The following APBB2 variants were observed in gnomAD, a reference collection of about 807,000 sequenced individuals.
The protein encoded by APBB2 is amyloid beta precursor protein binding family B member 2, also known as Fe65-like 1.
In APBB2, 38 loss-of-function variants were observed where a neutral mutation model predicts 82.5. That is an observed-to-expected ratio of 0.46 (90% CI 0.36 to 0.60). The LOEUF is 0.60. APBB2 is among the 20% of genes least tolerant of loss of function. The pLI, the probability that APBB2 is intolerant of heterozygous loss-of-function variation, is 0.00. For synonymous variants in APBB2, 341 were observed against 368.2 expected, an observed-to-expected ratio of 0.93 and a Z score of 0.85; for missense variants, 772 against 972.3, an observed-to-expected ratio of 0.79 and a Z score of 2.74.
chr4:41,041,338 T>C (rs759167191), intron 4 of APBB2, among the ~76,000 whole-genome samples: 4 of 152,252 alleles, frequency 2.6e-5, no homozygotes, highest in Non-Finnish European at 4.4e-5. Context: ...TGTATAGTCT[T>C]GTAATGCATG....
chr4:41,107,972 G>T (rs534696209), intron 2 of APBB2, among the ~76,000 whole-genome samples: 3 of 152,292 alleles, frequency 2.0e-5, no homozygotes, highest in South Asian at 2.1e-4. Context: ...ATCTGAACAT[G>T]TATTCAAGTA....
At chr4:41,193,725 CA>C in intron 1 of APBB2, 1 of 201,220 alleles carries the variant, frequency 5.0e-6, no homozygotes, top group Non-Finnish European at 8.8e-6. Context: ...TAGCCCTAGG[CA>C]GGGTAGAAGA....
At chr4:40,938,290 G>C (rs913836932) in intron 7 of APBB2, among the ~76,000 whole-genome samples, 8 of 152,128 alleles carry the variant, frequency 5.3e-5, no homozygotes, top group Admixed American at 1.3e-4. Flanking sequence ...CTCAGTTCTG[G>C]GAGAGCCTTG....
intron 4 of APBB2, among the ~76,000 whole-genome samples, chr4:41,041,445 C>T (rs1047740557): frequency 6.6e-6 from 1 of 152,146 alleles, no homozygotes. Flanking sequence ...TGGCATATAA[C>T]ATTGTACTCT....
At chr4:40,827,329 T>G in intron 13 of APBB2, 110 bp from the exon 14 acceptor site, 1 of 871,962 alleles carries the variant, frequency 1.1e-6, no homozygotes, top group Non-Finnish European at 1.9e-6. Flanking sequence ...TAGATCAGCT[T>G]TAGTCTATTG....
intron 12 of APBB2, among the ~76,000 whole-genome samples, chr4:40,889,468 G>A (rs375820032): frequency 2.6e-4 from 39 of 152,274 alleles, no homozygotes; most frequent in Middle Eastern, 3.4e-3. Context: ...CTCTGTTGTC[G>A]GGGATTTTTA....
At chr4:40,922,323 A>G (rs138899339) in intron 10 of APBB2, among the ~76,000 whole-genome samples, 2 of 152,326 alleles carry the variant, frequency 1.3e-5, no homozygotes, top group Admixed American at 6.5e-5. Context: ...CTACCCTGCT[A>G]TGTATGTACT....
chr4:41,002,558 G>T (rs562743150), intron 6 of APBB2, among the ~76,000 whole-genome samples: 1 of 152,310 alleles, frequency 6.6e-6, no homozygotes, highest in Non-Finnish European at 1.5e-5. Context: ...GTGGGAGCAG[G>T]GGGCTGCAAG....
intron 6 of APBB2, among the ~76,000 whole-genome samples, chr4:40,961,683 A>T (rs1236799622): frequency 7.1e-6 from 1 of 140,170 alleles, no homozygotes; most frequent in Non-Finnish European, 1.5e-5. Flanking sequence ...AAAAAAAAAA[A>T]AAAAAAAAAA....
chr4:41,135,983 C>G (rs1286746945), intron 2 of APBB2, among the ~76,000 whole-genome samples: 1 of 152,174 alleles, frequency 6.6e-6, no homozygotes, highest in Non-Finnish European at 1.5e-5. Flanking sequence ...CTGACACTCT[C>G]TTCATTCTGG....
chr4:40,860,158 G>A (rs1353169323), intron 12 of APBB2, among the ~76,000 whole-genome samples: 1 of 152,240 alleles, frequency 6.6e-6, no homozygotes, highest in African/African-American at 2.4e-5. Context: ...TGGCTGAAGA[G>A]AGCCTCTGCC....
intron 6 of APBB2, among the ~76,000 whole-genome samples, chr4:40,991,163 G>A (rs1431223700): frequency 1.4e-5 from 2 of 141,664 alleles, no homozygotes; most frequent in African/African-American, 2.6e-5. Flanking sequence ...TGTTGTGTGT[G>A]TGTGTGTTTT....
chr4:40,822,128 A>T lies in APBB2; in HGVS notation c.1933-78T>A, dbSNP rs1196920462. 7 of 1,534,912 alleles carry T rather than the reference A, an allele frequency of 4.6e-6. No homozygotes were observed. The Admixed American group carries it at 8.7e-5, about 19-fold the overall frequency. On this transcript the variant is annotated intron_variant, in intron 16 of 17. Coordinates refer to ENST00000508593, the MANE Select transcript of APBB2 (RefSeq NM_004307.2). ...AGAGTGGCAGCACATAGGAACTGGC[A>T]TTCAGAAAGTATAGCCAGGCCGAAT...
At chr4:40,860,810 A>G (rs184953211) in intron 12 of APBB2, among the ~76,000 whole-genome samples, 6 of 152,304 alleles carry the variant, frequency 3.9e-5, no homozygotes, top group Non-Finnish European at 1.5e-5. Context: ...ATGACCAGGT[A>G]ATCAGAATAT....
chr4:41,003,499 T>C (rs1805792992), intron 6 of APBB2, among the ~76,000 whole-genome samples: 1 of 152,122 alleles, frequency 6.6e-6, no homozygotes, highest in Non-Finnish European at 1.5e-5. Flanking sequence ...TCTTTGTAGA[T>C]ATAATTAATT....
chr4:41,062,817 T>C (rs1022442636), intron 4 of APBB2, among the ~76,000 whole-genome samples: 3 of 152,180 alleles, frequency 2.0e-5, no homozygotes, highest in Non-Finnish European at 4.4e-5. Context: ...GAGGAGAAGA[T>C]AGTTTTCTCC....
chr4:41,032,627 TGCTA>T (rs1186100072), intron 5 of APBB2, among the ~76,000 whole-genome samples: 2 of 152,096 alleles, frequency 1.3e-5, no homozygotes, highest in Admixed American at 1.3e-4. Flanking sequence ...TAATGTACAA[TGCTA>T]GATGGTAAAA....
rs1772676101 is a variant in APBB2 at position 40,893,427 on chromosome 4, AGAGG to A, written c.1255-20_1255-17del. 2 of 1,599,058 alleles carry A rather than the reference AGAGG, an allele frequency of 1.3e-6. No individual in the cohort carries two copies. Among genetic ancestry groups the A allele is most frequent in the Non-Finnish European group, 1.7e-6 (2 of 1,171,266 alleles). ...CAGCAAAACACTGGAAGACAGTGAA[AGAGG>A]ACAAGAAGTCACTCCATGGTTTGGT... is the stretch of plus-strand genomic sequence containing the variant. On this transcript the variant is annotated splice_polypyrimidine_tract_variant and intron_variant, in intron 10 of 17. Coordinates refer to ENST00000508593, the MANE Select transcript of APBB2 (RefSeq NM_004307.2).
intron 12 of APBB2, among the ~76,000 whole-genome samples, chr4:40,842,899 G>A (rs1756311187): frequency 6.6e-6 from 1 of 152,288 alleles, no homozygotes; most frequent in Admixed American, 6.5e-5. Flanking sequence ...GGTCAAGGGC[G>A]GGTGGGAAGT....
Sources: allele counts gnomAD v4.1 joint callset (sites outside exome capture counted in the v4.1 genomes callset), GRCh38; gene constraint gnomAD v4.1.1; transcripts MANE v1.5; gene names NCBI Gene and HGNC (gene_info 2026-07-23, HGNC 2026-07-21).